Variants in SLC24A3 observed in about 807,000 individuals in gnomAD.
SLC24A3 encodes solute carrier family 24 member 3.
SLC24A3 carries 28 observed loss-of-function variants against 75.8 expected under a neutral mutation model. That is an observed-to-expected ratio of 0.37 (90% CI 0.27 to 0.51). The LOEUF is 0.51. Among genes scored for constraint, SLC24A3 ranks in the 20% least tolerant of loss-of-function variants. The pLI, the probability that SLC24A3 is intolerant of heterozygous loss-of-function variation, is 0.94. For missense variants in SLC24A3, 663 were observed against 847.8 expected (o/e 0.78, Z 2.71); for synonymous variants, 372 against 334.1 (o/e 1.11, Z -1.24).
intron 15 of SLC24A3, among the ~76,000 whole-genome samples, chr20:19,706,148 AAAAG>A (rs1437030732): frequency 6.6e-6 from 1 of 152,184 alleles, no homozygotes; most frequent in Non-Finnish European, 1.5e-5. Flanking sequence ...AACAGAGACA[AAAAG>A]AAGAGCTGTC....
chr20:19,240,529 G>C (rs1401667876), intron 1 of SLC24A3, among the ~76,000 whole-genome samples: 1 of 152,190 alleles, frequency 6.6e-6, no homozygotes, highest in Non-Finnish European at 1.5e-5. Flanking sequence ...GGAAGCCAGA[G>C]GAGGTGCTGC....
At chr20:19,438,058 C>T (rs1015420028) in intron 2 of SLC24A3, among the ~76,000 whole-genome samples, 12 of 152,192 alleles carry the variant, frequency 7.9e-5, no homozygotes, top group African/African-American at 2.9e-4. Context: ...TGCCCAAACA[C>T]TCTCACTTCC....
intron 8 of SLC24A3, among the ~76,000 whole-genome samples, chr20:19,671,952 A>AG (rs1287322535): frequency 6.6e-6 from 1 of 152,188 alleles, no homozygotes; most frequent in Non-Finnish European, 1.5e-5. Flanking sequence ...GGGGGCAGGA[A>AG]GGAAGCCAGG....
At position 19,312,387 on chromosome 20, in the gene SLC24A3, A is replaced by G. The variant is rs73902309; in HGVS notation, c.271+31300A>G. Among the ~76,000 whole-genome samples, 378 of 152,330 alleles carry G rather than the reference A, an allele frequency of 2.5e-3. 3 individuals carry two copies. Among genetic ancestry groups the G allele is most frequent in the African/African-American group, 8.9e-3 (371 of 41,564 alleles). ...GTATATATAGCTTTTATATTTATAT[A>G]GTTGATTTTTTAAAACTTGAAGAAT... is the stretch of plus-strand genomic sequence containing the variant. On this transcript the variant is annotated intron_variant, in intron 2 of 16. Coordinates refer to ENST00000328041, the MANE Select transcript of SLC24A3 (RefSeq NM_020689.4).
chr20:19,488,078 G>A (rs1477622331), intron 2 of SLC24A3, among the ~76,000 whole-genome samples: 1 of 152,212 alleles, frequency 6.6e-6, no homozygotes, highest in Non-Finnish European at 1.5e-5. Context: ...GATTGATGGG[G>A]CTGGTCAAGA....
At chr20:19,647,788 A>G (rs2032157041) in intron 6 of SLC24A3, among the ~76,000 whole-genome samples, 1 of 152,044 alleles carries the variant, frequency 6.6e-6, no homozygotes, top group South Asian at 2.1e-4. Flanking sequence ...AAGAGCACTC[A>G]AGAGATTATT....
intron 2 of SLC24A3, among the ~76,000 whole-genome samples, chr20:19,364,431 G>A (rs1600449536): frequency 2.0e-5 from 3 of 151,774 alleles, no homozygotes; most frequent in Admixed American, 6.6e-5. Context: ...GTCCACACAC[G>A]GCTCTAGGTT....
chr20:19,592,484 G>T (rs888660413), intron 6 of SLC24A3, among the ~76,000 whole-genome samples: 1 of 152,184 alleles, frequency 6.6e-6, no homozygotes, highest in Non-Finnish European at 1.5e-5. Flanking sequence ...ATTTAGGTTT[G>T]CAAGAGAGGT....
chr20:19,333,640 T>TGA (rs1376627463), intron 2 of SLC24A3, among the ~76,000 whole-genome samples: 12 of 150,314 alleles, frequency 8.0e-5, no homozygotes, highest in Non-Finnish European at 1.3e-4. Flanking sequence ...TGTGTGTGTG[T>TGA]GAGTGTGTGT....
chr20:19,590,912 A>C (rs1344217819), intron 6 of SLC24A3, among the ~76,000 whole-genome samples: 1 of 152,166 alleles, frequency 6.6e-6, no homozygotes, highest in East Asian at 1.9e-4. Flanking sequence ...GATGAGAGGC[A>C]GCCTCCAGCA....
chr20:19,506,891 A>G (rs6046151), intron 2 of SLC24A3, among the ~76,000 whole-genome samples: 62,521 of 151,936 alleles, frequency 0.41, 13,580 homozygotes, highest in African/African-American at 0.54. Context: ...TTAAGATATG[A>G]TCTTTAGAAC....
At chr20:19,582,076 T>A (rs759582037) in intron 4 of SLC24A3, among the ~76,000 whole-genome samples, 7 of 152,210 alleles carry the variant, frequency 4.6e-5, no homozygotes, top group Admixed American at 3.3e-4. Context: ...TGTCTGTGAA[T>A]GATGGGTGGG....
intron 2 of SLC24A3, among the ~76,000 whole-genome samples, chr20:19,429,000 C>T (rs938132478): frequency 6.6e-6 from 1 of 152,138 alleles, no homozygotes; most frequent in African/African-American, 2.4e-5. Flanking sequence ...TTAGGTTCTT[C>T]CCTCCCCCTC....
chr20:19,329,088 A>G (rs1333032206), intron 2 of SLC24A3, among the ~76,000 whole-genome samples: 1 of 152,204 alleles, frequency 6.6e-6, no homozygotes, highest in Non-Finnish European at 1.5e-5. Flanking sequence ...TGGTGCTGGT[A>G]GGAACAAAAT....
At chr20:19,629,158 T>C (rs2031904429) in intron 6 of SLC24A3, among the ~76,000 whole-genome samples, 1 of 151,344 alleles carries the variant, frequency 6.6e-6, no homozygotes, top group African/African-American at 2.4e-5. Flanking sequence ...GACAACTAAA[T>C]GAAATCAGGA....
chr20:19,302,500 T>C (rs73284659), intron 2 of SLC24A3, among the ~76,000 whole-genome samples: 3,193 of 152,330 alleles, frequency 0.021, 45 homozygotes, highest in African/African-American at 0.034. Context: ...TTATATTTGC[T>C]TCTAATCTTT....
At chr20:19,473,747 A>G (rs1987913875) in intron 2 of SLC24A3, among the ~76,000 whole-genome samples, 1 of 152,198 alleles carries the variant, frequency 6.6e-6, no homozygotes, top group Admixed American at 6.5e-5. Context: ...GGCCACTGCT[A>G]TGCAGAGGCT....
chr20:19,369,300 A>G (rs1204150856), intron 2 of SLC24A3, among the ~76,000 whole-genome samples: 2 of 152,232 alleles, frequency 1.3e-5, no homozygotes, highest in Non-Finnish European at 2.9e-5. Flanking sequence ...AAAAATGCAG[A>G]GCCTGACTAT....
At chr20:19,496,430 G>T (rs1028097677) in intron 2 of SLC24A3, among the ~76,000 whole-genome samples, 1 of 152,214 alleles carries the variant, frequency 6.6e-6, no homozygotes, top group Non-Finnish European at 1.5e-5. Flanking sequence ...GCTCAGGGAT[G>T]TGGGGAACAA....
Sources: gnomAD v4.1 joint callset for allele counts (sites outside exome capture counted in the v4.1 genomes callset) on GRCh38, gnomAD v4.1.1 for gene constraint, MANE v1.5 for transcripts, NCBI Gene and HGNC (gene_info 2026-07-23, HGNC 2026-07-21) for gene names.